Variants in RBFOX1 observed in about 807,000 individuals in gnomAD.
The protein encoded by RBFOX1 is RNA binding fox-1 homolog 1.
In RBFOX1, 8 loss-of-function variants were observed where a neutral mutation model predicts 57.7. The ratio of observed to expected loss-of-function variants is 0.14; its 90% CI spans 0.08 to 0.25. The LOEUF (loss-of-function observed/expected upper bound fraction) is 0.25, where lower values mean the gene tolerates loss of function less well. Among genes scored for constraint, RBFOX1 ranks in the 10% least tolerant of loss-of-function variants. The pLI, the probability that RBFOX1 is intolerant of heterozygous loss-of-function variation, is 1.00. For missense variants in RBFOX1, 611 were observed against 548.5 expected (o/e 1.11, Z -1.14); for synonymous variants, 326 against 222.4 (o/e 1.47, Z -4.15).
At chr16:7,553,398 G>A (rs1483253049) in intron 5 of RBFOX1, among the ~76,000 whole-genome samples, 1 of 152,154 alleles carries the variant, frequency 6.6e-6, no homozygotes, top group Non-Finnish European at 1.5e-5. Flanking sequence ...TCTAGCATTG[G>A]TCTTCCAAAG....
At chr16:7,307,066 T>A (rs192998026) in intron 4 of RBFOX1, among the ~76,000 whole-genome samples, 1 of 152,350 alleles carries the variant, frequency 6.6e-6, no homozygotes, top group Non-Finnish European at 1.5e-5. Flanking sequence ...TATTTTATAA[T>A]TGTTTAGAAA....
intron 4 of RBFOX1, among the ~76,000 whole-genome samples, chr16:7,392,267 T>C (rs186184069): frequency 1.1e-4 from 16 of 152,308 alleles, no homozygotes; most frequent in African/African-American, 3.6e-4. Context: ...TGGACAACTT[T>C]CCCCTGTAGT....
intron 11 of RBFOX1, among the ~76,000 whole-genome samples, chr16:7,641,786 G>A (rs1232709923): frequency 2.0e-5 from 3 of 152,184 alleles, no homozygotes; most frequent in Admixed American, 1.3e-4. Flanking sequence ...GACTAGTGCT[G>A]TGACCTTGGC....
chr16:7,692,226 A>G (rs1239675030), intron 14 of RBFOX1, among the ~76,000 whole-genome samples: 2 of 152,146 alleles, frequency 1.3e-5, no homozygotes, highest in Admixed American at 1.3e-4. Context: ...TAAAAATATT[A>G]TTCTCAAAGC....
chr16:5,428,863 C>T (rs955744871), intron 1 of RBFOX1, among the ~76,000 whole-genome samples: 1 of 152,096 alleles, frequency 6.6e-6, no homozygotes, highest in Non-Finnish European at 1.5e-5. Context: ...CATATGGAAG[C>T]CTTTTTTTCC....
chr16:6,049,484 C>T (rs1567333020), intron 1 of RBFOX1, among the ~76,000 whole-genome samples: 1 of 152,158 alleles, frequency 6.6e-6, no homozygotes, highest in Non-Finnish European at 1.5e-5. Flanking sequence ...TCTCTAGTCT[C>T]ATGCTACTAG....
At chr16:6,926,963 T>G (rs2075702215) in intron 3 of RBFOX1, among the ~76,000 whole-genome samples, 1 of 152,126 alleles carries the variant, frequency 6.6e-6, no homozygotes, top group South Asian at 2.1e-4. Flanking sequence ...CTTGCCTTAC[T>G]CAGGCCTCTG....
At chr16:6,009,430 C>A (rs1387783957) in intron 4 of RBFOX1, among the ~76,000 whole-genome samples, 2 of 152,286 alleles carry the variant, frequency 1.3e-5, no homozygotes, top group Admixed American at 1.3e-4. Flanking sequence ...TTTATTTTTC[C>A]TAATACATTA....
chr16:6,476,690 G>T (rs1263311384), intron 2 of RBFOX1, among the ~76,000 whole-genome samples: 1 of 152,142 alleles, frequency 6.6e-6, no homozygotes, highest in African/African-American at 2.4e-5. Flanking sequence ...GAAGGTTGGG[G>T]TGACTGTGGC....
chr16:6,672,415 G>T (rs1194581719), intron 3 of RBFOX1, among the ~76,000 whole-genome samples: 1 of 150,376 alleles, frequency 6.6e-6, no homozygotes, highest in Non-Finnish European at 1.5e-5. Context: ...AGGACGGATG[G>T]ATGGAAGGAA....
chr16:6,178,884 C>A (rs552884281), intron 1 of RBFOX1, among the ~76,000 whole-genome samples: 4 of 152,180 alleles, frequency 2.6e-5, no homozygotes, highest in African/African-American at 9.7e-5. Context: ...AAACAGCCAC[C>A]AGCTCCCATA....
intron 2 of RBFOX1, among the ~76,000 whole-genome samples, chr16:6,368,472 G>T (rs1438437407): frequency 6.6e-6 from 1 of 152,202 alleles, no homozygotes; most frequent in Non-Finnish European, 1.5e-5. Flanking sequence ...GGTTCCTAAT[G>T]TAGACCTTTC....
At chr16:5,482,497 A>G (rs2069580321) in intron 2 of RBFOX1, among the ~76,000 whole-genome samples, 1 of 152,238 alleles carries the variant, frequency 6.6e-6, no homozygotes, top group Non-Finnish European at 1.5e-5. Context: ...TGCAGAAGTC[A>G]GCGTCTGAGC....
At chr16:7,312,853 G>C (rs1044374337) in intron 4 of RBFOX1, among the ~76,000 whole-genome samples, 2 of 152,016 alleles carry the variant, frequency 1.3e-5, no homozygotes, top group African/African-American at 4.8e-5. Context: ...TTAATATGGC[G>C]GGGCCCTGCT....
At chr16:6,057,186 G>T (rs957990039) in intron 1 of RBFOX1, 2 of 152,046 alleles carry the variant, frequency 1.3e-5, no homozygotes, top group African/African-American at 4.8e-5. Context: ...ATTGCATGGA[G>T]GCTAAGTACT....
intron 4 of RBFOX1, among the ~76,000 whole-genome samples, chr16:5,963,278 G>A (rs534808207): frequency 1.3e-5 from 2 of 152,250 alleles, no homozygotes; most frequent in East Asian, 1.9e-4. Flanking sequence ...CATTGCAGGT[G>A]GGTCATGGAG....
At chr16:6,589,224 C>G (rs972898934) in intron 2 of RBFOX1, among the ~76,000 whole-genome samples, 2 of 152,170 alleles carry the variant, frequency 1.3e-5, no homozygotes, top group Non-Finnish European at 2.9e-5. Flanking sequence ...GAACTCTAAC[C>G]AGCCAATGGG....
At chr16:5,310,408 A>C (rs1348366110) in intron 1 of RBFOX1, among the ~76,000 whole-genome samples, 1 of 152,096 alleles carries the variant, frequency 6.6e-6, no homozygotes, top group South Asian at 2.1e-4. Flanking sequence ...CTCAAAAAAA[A>C]AAAGTATGGA....
Position 6,680,707 on chromosome 16 carries a change from A to C in RBFOX1, c.-16+26057A>C, listed in dbSNP as rs182020142. ...TAGAGGTAATATTTAATGAGACTTT[A>C]ATCAGACTTCTGCGGTTCTGATTTA... On this transcript the variant is annotated intron_variant, in intron 3 of 15. Transcript: ENST00000550418. Among the ~76,000 whole-genome samples the C allele has an allele frequency of 7.4e-4, 112 of 152,306 alleles. 1 individual carries two copies. Among genetic ancestry groups the C allele is most frequent in the African/African-American group, 2.6e-3 (107 of 41,568 alleles).
Sources: gnomAD v4.1 joint callset for allele counts (sites outside exome capture counted in the v4.1 genomes callset) on GRCh38, gnomAD v4.1.1 for gene constraint, MANE v1.5 for transcripts, NCBI Gene and HGNC (gene_info 2026-07-23, HGNC 2026-07-21) for gene names.